Variants in DACH1 observed in about 807,000 individuals in gnomAD.
DACH1 encodes dachshund homolog 1.
In DACH1, 12 loss-of-function variants were observed where a neutral mutation model predicts 54.2. The ratio of observed to expected loss-of-function variants is 0.22; its 90% CI spans 0.14 to 0.36. DACH1 has a LOEUF of 0.36. DACH1 is among the 10% of genes least tolerant of loss of function. The probability of loss-of-function intolerance (pLI) is 1.00; values close to 1 mark genes in which losing one functional copy is unlikely to be tolerated. For synonymous variants in DACH1, 386 were observed against 366.2 expected (o/e 1.05, Z -0.62); for missense variants, 805 against 929.8 (o/e 0.87, Z 1.75).
chr13:71,860,834 T>C (rs1043209604), intron 1 of DACH1, among the ~76,000 whole-genome samples: 1 of 152,010 alleles, frequency 6.6e-6, no homozygotes, highest in Non-Finnish European at 1.5e-5. Context: ...AAAGCACAAA[T>C]TGTTCTTAAA....
rs1879694790 is a variant in DACH1 at position 71,499,122 on chromosome 13, C to CAG, written c.1571-9975_1571-9974insCT. On this transcript the variant is annotated intron_variant, in intron 6 of 10. Transcript: ENST00000613252. ...ACATGCGAGCACGCGCACACACACA[C>CAG]ACACACACACGCAGACACACACACA... Among the ~76,000 whole-genome samples the CAG allele has an allele frequency of 3.6e-5, 3 of 84,386 alleles. No homozygotes were observed. The South Asian group carries it at 2.1e-3, about 60-fold the overall frequency. 55.4% of individuals were successfully genotyped at this position (84,386 alleles called of 152,430 possible).
intron 1 of DACH1, among the ~76,000 whole-genome samples, chr13:71,753,864 G>A (rs1259290068): frequency 6.6e-6 from 1 of 152,144 alleles, no homozygotes; most frequent in African/African-American, 2.4e-5. Context: ...GTTGCCATGT[G>A]TACAAATCAT....
Position 71,559,966 on chromosome 13 carries a change from A to G in DACH1, c.1300-11T>C. ...ATCAGGAACACGCTCCTGCACCAGC[A>G]AGAGAGGGAAGGAGGGTAGAAAAGA... On this transcript the variant is annotated splice_polypyrimidine_tract_variant and intron_variant, in intron 4 of 10. Coordinates refer to ENST00000613252, the MANE Select transcript of DACH1 (RefSeq NM_080759.6). The G allele has an allele frequency of 6.6e-7, 1 of 1,519,136 alleles. No homozygotes were observed. The highest frequency in any genetic ancestry group is 8.8e-7 in the Non-Finnish European group (1 of 1,135,600). 94.1% of individuals were successfully genotyped at this position (1,519,136 alleles called of 1,614,324 possible).
chr13:71,712,843 T>G (rs9572769), intron 1 of DACH1, among the ~76,000 whole-genome samples: 2 of 152,004 alleles, frequency 1.3e-5, no homozygotes, highest in Admixed American at 6.6e-5. Context: ...ATTTCACTAA[T>G]GGAAAATTTA....
At chr13:71,693,855 G>T (rs1307319676) in intron 1 of DACH1, among the ~76,000 whole-genome samples, 1 of 152,028 alleles carries the variant, frequency 6.6e-6, no homozygotes, top group African/African-American at 2.4e-5. Flanking sequence ...GCATATATAA[G>T]GTTAGGTACT....
intron 1 of DACH1, among the ~76,000 whole-genome samples, chr13:71,720,495 A>G (rs1014893076): frequency 1.2e-4 from 18 of 152,178 alleles, no homozygotes; most frequent in African/African-American, 4.3e-4. Context: ...CATGTCTAAC[A>G]AATGTGTTTG....
intron 10 of DACH1, among the ~76,000 whole-genome samples, chr13:71,441,252 T>C (rs1389416666): frequency 6.6e-6 from 1 of 152,094 alleles, no homozygotes; most frequent in African/African-American, 2.4e-5. Flanking sequence ...AACAATTAAA[T>C]ATTAAAATGT....
At chr13:71,735,369 G>A (rs1233392536) in intron 1 of DACH1, among the ~76,000 whole-genome samples, 1 of 34,280 alleles carries the variant, frequency 2.9e-5, no homozygotes, top group African/African-American at 6.9e-5. Context: ...ACACGTATAC[G>A]GGATATACGT....
rs535595135 is a variant in DACH1, at chr13:71,529,680, G to C, written c.1570+27344C>G. On this transcript the variant is annotated intron_variant, in intron 6 of 10. Transcript: ENST00000613252. ...TTTTGTCAAATGGAATAATCCAGTT[G>C]CATCTGTATATCACCATTCATCTTT... Among the ~76,000 whole-genome samples, 22 of 152,238 alleles carry C rather than the reference G, an allele frequency of 1.4e-4. No individual in the cohort carries two copies. The South Asian group carries it at 3.3e-3, about 23-fold the overall frequency.
intron 2 of DACH1, among the ~76,000 whole-genome samples, chr13:71,639,113 C>T (rs1381543413): frequency 6.6e-6 from 1 of 152,074 alleles, no homozygotes; most frequent in Admixed American, 6.6e-5. Flanking sequence ...TTGAAAACAC[C>T]AGTACCTTTT....
At chr13:71,475,891 T>G (rs1441378117) in intron 8 of DACH1, 42 bp from the exon 9 acceptor site, 1 of 1,364,650 alleles carries the variant, frequency 7.3e-7, no homozygotes, top group Non-Finnish European at 9.7e-7. Flanking sequence ...TATTTTTAAA[T>G]TTTCATAATG....
intron 6 of DACH1, among the ~76,000 whole-genome samples, chr13:71,536,373 A>T (rs1448693148): frequency 1.3e-5 from 2 of 152,084 alleles, no homozygotes; most frequent in African/African-American, 4.8e-5. Context: ...CTGAAATCTC[A>T]TATCTAGTGA....
At chr13:71,630,184 G>A (rs1336281608) in intron 3 of DACH1, among the ~76,000 whole-genome samples, 3 of 152,012 alleles carry the variant, frequency 2.0e-5, no homozygotes, top group East Asian at 1.9e-4. Context: ...ATAACAAATG[G>A]ATTAAAAGAA....
At chr13:71,476,391 T>C (rs191540190) in intron 8 of DACH1, among the ~76,000 whole-genome samples, 55 of 152,304 alleles carry the variant, frequency 3.6e-4, no homozygotes, top group African/African-American at 1.2e-3. Flanking sequence ...ATAAATATTT[T>C]TTGTACACTA....
intron 1 of DACH1, among the ~76,000 whole-genome samples, chr13:71,793,806 C>T (rs971133780): frequency 1.3e-5 from 2 of 152,102 alleles, no homozygotes; most frequent in African/African-American, 4.8e-5. Flanking sequence ...GGATTACAGG[C>T]GTGAGCCACC....
chr13:71,780,042 G>A (rs1333735281), intron 1 of DACH1, among the ~76,000 whole-genome samples: 2 of 151,982 alleles, frequency 1.3e-5, no homozygotes, highest in Non-Finnish European at 2.9e-5. Context: ...AAATAATAAG[G>A]ATCAAATGGG....
intron 2 of DACH1, among the ~76,000 whole-genome samples, chr13:71,678,115 G>A (rs906198405): frequency 4.6e-5 from 7 of 152,034 alleles, no homozygotes; most frequent in South Asian, 2.1e-4. Context: ...TCTTTTTATC[G>A]TTTTCAAATG....
chr13:71,601,173 T>C (rs2138490806), intron 3 of DACH1, among the ~76,000 whole-genome samples: 1 of 152,176 alleles, frequency 6.6e-6, no homozygotes, highest in African/African-American at 2.4e-5. Flanking sequence ...CTGGAAATGG[T>C]TTATTTACAT....
intron 2 of DACH1, among the ~76,000 whole-genome samples, chr13:71,636,232 T>TA (rs1372161956): frequency 6.6e-6 from 1 of 152,118 alleles, no homozygotes; most frequent in Non-Finnish European, 1.5e-5. Context: ...TGGTTTTGCA[T>TA]AAAAACACAT....
Sources: gnomAD v4.1 joint callset for allele counts (sites outside exome capture counted in the v4.1 genomes callset) on GRCh38, gnomAD v4.1.1 for gene constraint, MANE v1.5 for transcripts, NCBI Gene and HGNC (gene_info 2026-07-23, HGNC 2026-07-21) for gene names.